The following SKA2 variants were observed in gnomAD, a reference collection of about 807,000 sequenced individuals.
SKA2 encodes spindle and kinetochore associated complex subunit 2, also known as spindle and kinetochore-associated protein 2.
In SKA2, 13 loss-of-function variants were observed where a neutral mutation model predicts 16.9. The observed-to-expected ratio is 0.77, with a 90% CI of 0.50 to 1.22. The LOEUF is 1.22. Among genes scored for constraint, SKA2 ranks in the 50% most tolerant of loss-of-function variants. The pLI, the probability that SKA2 is intolerant of heterozygous loss-of-function variation, is 0.00. For synonymous variants in SKA2, 47 were observed against 48.5 expected (o/e 0.97, Z 0.13); for missense variants, 107 against 139.7 (o/e 0.77, Z 1.18).
chr17:59,119,640 G>A (rs1399926468), intron 2 of SKA2, 145 bp from the exon 3 acceptor site: 1 of 724,588 alleles, frequency 1.4e-6, no homozygotes, highest in Non-Finnish European at 2.2e-6. Flanking sequence ...CATGACATCA[G>A]ATGGGAGGTG....
chr17:59,148,535 C>T (rs1364821999), intron 1 of SKA2, among the ~76,000 whole-genome samples: 1 of 152,138 alleles, frequency 6.6e-6, no homozygotes, highest in Non-Finnish European at 1.5e-5. Context: ...CCTCCCATCT[C>T]AGCCTCTCAA....
At chr17:59,119,216 C>A in intron 3 of SKA2, 103 bp downstream of exon 3, 1 of 1,279,272 alleles carries the variant, frequency 7.8e-7, no homozygotes, top group Non-Finnish European at 1.1e-6. Flanking sequence ...ATAGTTCAAA[C>A]TGACTGCTGA....
At chr17:59,126,781 T>G (rs2046375224) in intron 2 of SKA2, among the ~76,000 whole-genome samples, 1 of 152,186 alleles carries the variant, frequency 6.6e-6, no homozygotes, top group African/African-American at 2.4e-5. Flanking sequence ...ACCCGAAAGT[T>G]GAAAGCAGGT....
intron 2 of SKA2, 109 bp from the exon 3 acceptor site, chr17:59,119,604 C>T: frequency 1.0e-6 from 1 of 987,314 alleles, no homozygotes; most frequent in South Asian, 1.6e-5. Context: ...TAATTGAACA[C>T]TGTTGAGTAT....
At chr17:59,134,202 T>G (rs979067517) in intron 1 of SKA2, among the ~76,000 whole-genome samples, 1 of 152,138 alleles carries the variant, frequency 6.6e-6, no homozygotes, top group Non-Finnish European at 1.5e-5. Context: ...ATGGAGAGAA[T>G]GAGGAGAGAC....
At chr17:59,114,219 A>C (rs766598910) in intron 3 of SKA2, among the ~76,000 whole-genome samples, 1 of 152,180 alleles carries the variant, frequency 6.6e-6, no homozygotes, top group Admixed American at 6.6e-5. Flanking sequence ...GCACCCCTGG[A>C]GCTGAGGATG....
At chr17:59,154,770 TCTTGGGACG>T (rs1489092491) in intron 1 of SKA2, among the ~76,000 whole-genome samples, 1 of 152,140 alleles carries the variant, frequency 6.6e-6, no homozygotes, top group African/African-American at 2.4e-5. Flanking sequence ...ACCTCTCCCT[TCTTGGGACG>T]CTTAGGGACC....
At chr17:59,145,301 A>T (rs991519422) in intron 1 of SKA2, among the ~76,000 whole-genome samples, 2 of 152,222 alleles carry the variant, frequency 1.3e-5, no homozygotes, top group African/African-American at 4.8e-5. Flanking sequence ...TAGCTAGAAT[A>T]TTGATCTTAC....
chr17:59,135,872 T>C (rs2046441323), intron 1 of SKA2, among the ~76,000 whole-genome samples: 1 of 149,950 alleles, frequency 6.7e-6, no homozygotes, highest in Non-Finnish European at 1.5e-5. Flanking sequence ...TTTTAAAATA[T>C]TTTTTTAAAA....
intron 3 of SKA2, among the ~76,000 whole-genome samples, chr17:59,116,490 G>A (rs531371175): frequency 1.6e-3 from 236 of 151,974 alleles, no homozygotes; most frequent in African/African-American, 5.5e-3. Flanking sequence ...AAATTAGTAT[G>A]TATTCCCTTT....
Position 59,141,283 on chromosome 17 carries a change from G to A in SKA2, c.34-9916C>T, listed in dbSNP as rs192852170. 1.4e-3 allele frequency among the ~76,000 whole-genome samples: 213 copies of A among 152,240 alleles called. 1 individual carries two copies. The highest frequency in any genetic ancestry group is 3.9e-3 in the Admixed American group (60 of 15,280). On this transcript the variant is annotated intron_variant, in intron 1 of 3. Transcript: ENST00000330137. ...ATAGTGGCGTGCGCCTGTAGTCCCA[G>A]CTACTAGGGAGGCTGAGGCAGGAGA...
intron 2 of SKA2, among the ~76,000 whole-genome samples, chr17:59,122,694 C>G (rs1306079857): frequency 6.6e-6 from 1 of 151,826 alleles, no homozygotes; most frequent in Admixed American, 6.6e-5. Flanking sequence ...GGCGGCTAAG[C>G]AGGGAGGATC....
rs1014378816 is a variant in SKA2 at position 59,112,271 on chromosome 17, A to C, written c.*6T>G. Reference sequence around the variant, plus strand: ...CTGTTAGAATTTCCTTTCCAAGTCCATTTCTTCATAAATCTGGCATGTGAA... The same window carrying C: ...CTGTTAGAATTTCCTTTCCAAGTCCCTTTCTTCATAAATCTGGCATGTGAA... On this transcript the variant is annotated 3_prime_UTR_variant, in exon 4 of 4. Coordinates refer to ENST00000330137, the MANE Select transcript of SKA2 (RefSeq NM_182620.4). 2 of 1,607,692 alleles carry C rather than the reference A, an allele frequency of 1.2e-6. No homozygotes were observed. The highest frequency in any genetic ancestry group is 1.7e-6 in the Non-Finnish European group (2 of 1,177,834).
At chr17:59,123,094 T>C (rs1404636446) in intron 2 of SKA2, among the ~76,000 whole-genome samples, 1 of 150,374 alleles carries the variant, frequency 6.7e-6, no homozygotes, top group African/African-American at 2.4e-5. Context: ...AGAAAACAAT[T>C]ATTAGCTCTA....
chr17:59,121,887 G>T (rs2046337448), intron 2 of SKA2, among the ~76,000 whole-genome samples: 1 of 148,114 alleles, frequency 6.8e-6, no homozygotes, highest in African/African-American at 2.5e-5. Flanking sequence ...TGGGAGAATT[G>T]CTTGAACCTG....
At chr17:59,134,105 A>C (rs2046428203) in intron 1 of SKA2, among the ~76,000 whole-genome samples, 1 of 152,204 alleles carries the variant, frequency 6.6e-6, no homozygotes, top group Non-Finnish European at 1.5e-5. Context: ...AGAAATTCCT[A>C]TTTGCATAAT....
At chr17:59,143,954 G>C (rs1051194968) in intron 1 of SKA2, among the ~76,000 whole-genome samples, 1 of 152,032 alleles carries the variant, frequency 6.6e-6, no homozygotes, top group Non-Finnish European at 1.5e-5. Context: ...TCAAGAGATT[G>C]AGACCATCCC....
At chr17:59,141,723 C>CAA (rs540951589) in intron 1 of SKA2, among the ~76,000 whole-genome samples, 97 of 52,894 alleles carry the variant, frequency 1.8e-3, no homozygotes, top group African/African-American at 4.7e-3. Flanking sequence ...GACCTTGTCT[C>CAA]AAAAAAAAAA....
chr17:59,132,709 T>C (rs1041472372), intron 1 of SKA2, among the ~76,000 whole-genome samples: 2 of 152,184 alleles, frequency 1.3e-5, no homozygotes, highest in Non-Finnish European at 2.9e-5. Context: ...TACCATGCCA[T>C]TATTGAAAAC....
Sources: gnomAD v4.1 joint callset for allele counts (sites outside exome capture counted in the v4.1 genomes callset) on GRCh38, gnomAD v4.1.1 for gene constraint, MANE v1.5 for transcripts, NCBI Gene and HGNC (gene_info 2026-07-23, HGNC 2026-07-21) for gene names.